Variants in LINGO2 observed in about 807,000 individuals in gnomAD.
LINGO2 encodes the protein leucine rich repeat and Ig domain containing 2, also known as leucine-rich repeat and immunoglobulin-like domain-containing nogo receptor-interacting protein 2.
Under a neutral mutation model 30.6 loss-of-function variants are expected in LINGO2, and 14 were observed. The ratio of observed to expected loss-of-function variants is 0.46; its 90% CI spans 0.30 to 0.72. The LOEUF (loss-of-function observed/expected upper bound fraction) is 0.72, where lower values mean the gene tolerates loss of function less well. LINGO2 is among the 30% of genes least tolerant of loss of function. The pLI is 0.07. For missense variants in LINGO2, 729 were observed against 751.7 expected (o/e 0.97, Z 0.35); for synonymous variants, 317 against 288.5 (o/e 1.10, Z -1.00).
intron 5 of LINGO2, among the ~76,000 whole-genome samples, chr9:27,982,743 A>T (rs967934149): frequency 1.3e-5 from 2 of 151,878 alleles, no homozygotes; most frequent in African/African-American, 4.8e-5. Context: ...GAACCTGGAT[A>T]TGAATCTTAG....
chr9:28,994,025 AG>A, the LINGO2 span, among the ~76,000 whole-genome samples: 3 of 151,536 alleles, frequency 2.0e-5, no homozygotes, highest in Non-Finnish European at 4.4e-5. Flanking sequence ...CAGGGCAATT[AG>A]GCAGGAGAAG....
At chr9:29,151,093 T>C in the LINGO2 span, among the ~76,000 whole-genome samples, 2 of 151,894 alleles carry the variant, frequency 1.3e-5, no homozygotes, top group African/African-American at 4.8e-5. Flanking sequence ...CCAGAGGAGA[T>C]TGGAGGCCTA....
At chr9:28,178,789 C>G (rs1828818298) in intron 4 of LINGO2, among the ~76,000 whole-genome samples, 1 of 152,240 alleles carries the variant, frequency 6.6e-6, no homozygotes, top group East Asian at 1.9e-4. Context: ...TTATTGGCAG[C>G]TGGAAGATTT....
In LINGO2 at chr9:28,506,479, C is replaced by CACAGACATAT. The variant is rs1260518228; in HGVS notation, c.-364-30455_-364-30454insATATGTCTGT. On this transcript the variant is annotated intron_variant, in intron 1 of 5. Transcript: ENST00000379992. The stretch of plus-strand genomic sequence containing the variant: ...ACATACACATACACACACACACACA[C>CACAGACATAT]ATACACATACACACACACACACAGA... 5.5e-3 allele frequency among the ~76,000 whole-genome samples: 62 copies of CACAGACATAT among 11,352 alleles called. 6 individuals carry two copies. The highest frequency in any genetic ancestry group is 0.011 in the Non-Finnish European group (26 of 2,336). The allele number at this position is 11,352 out of a possible 152,430, so 7.4% of individuals were successfully genotyped here.
At chr9:28,962,706 T>G in the LINGO2 span, among the ~76,000 whole-genome samples, 4 of 151,928 alleles carry the variant, frequency 2.6e-5, no homozygotes, top group East Asian at 7.7e-4. Flanking sequence ...ACATTTCATT[T>G]ATCATATATA....
At chr9:28,402,286 C>A (rs948361529) in intron 2 of LINGO2, among the ~76,000 whole-genome samples, 3 of 152,038 alleles carry the variant, frequency 2.0e-5, no homozygotes, top group African/African-American at 7.3e-5. Flanking sequence ...TTTCCTCTCT[C>A]TTTTCTTTCC....
At chr9:28,402,691 G>C (rs1238544178) in intron 2 of LINGO2, among the ~76,000 whole-genome samples, 5 of 151,698 alleles carry the variant, frequency 3.3e-5, no homozygotes, top group African/African-American at 1.2e-4. Flanking sequence ...ACTCTACAAA[G>C]GTCCTTTTCT....
intron 4 of LINGO2, among the ~76,000 whole-genome samples, chr9:28,252,568 C>T (rs1378434809): frequency 6.6e-6 from 1 of 151,920 alleles, no homozygotes; most frequent in Non-Finnish European, 1.5e-5. Flanking sequence ...TTTGTCTAAC[C>T]TTGAGTCATG....
intron 5 of LINGO2, among the ~76,000 whole-genome samples, chr9:27,961,788 G>C (rs1462443868): frequency 6.6e-6 from 1 of 152,182 alleles, no homozygotes; most frequent in Non-Finnish European, 1.5e-5. Flanking sequence ...CATGGGTGTA[G>C]GCTTGGGTAA....
the LINGO2 span, among the ~76,000 whole-genome samples, chr9:29,125,139 T>C: frequency 1.3e-5 from 2 of 152,040 alleles, no homozygotes; most frequent in African/African-American, 2.4e-5. Context: ...AAACCATCAT[T>C]CTCAGCAAAC....
chr9:28,838,944 G>T, the LINGO2 span, among the ~76,000 whole-genome samples: 47 of 152,336 alleles, frequency 3.1e-4, no homozygotes, highest in East Asian at 6.6e-3. Flanking sequence ...GCTGCTCCAG[G>T]CACCAGCATG....
At chr9:28,239,299 G>T (rs1821692582) in intron 4 of LINGO2, among the ~76,000 whole-genome samples, 1 of 151,940 alleles carries the variant, frequency 6.6e-6, no homozygotes, top group African/African-American at 2.4e-5. Flanking sequence ...GGTCATTATT[G>T]TCCTGATACC....
chr9:28,368,166 C>G (rs1820751048), intron 3 of LINGO2, among the ~76,000 whole-genome samples: 3 of 152,090 alleles, frequency 2.0e-5, no homozygotes, highest in Admixed American at 6.6e-5. Flanking sequence ...TTACACCCTG[C>G]ATTGTCTTAT....
intron 1 of LINGO2, among the ~76,000 whole-genome samples, chr9:28,627,745 G>T (rs62547109): frequency 0.08 from 12,080 of 151,714 alleles, 672 homozygotes; most frequent in Admixed American, 0.2. Context: ...TTTCAAAATT[G>T]TCTATAATGT....
chr9:29,016,792 C>A, the LINGO2 span, among the ~76,000 whole-genome samples: 1 of 152,102 alleles, frequency 6.6e-6, no homozygotes, highest in Non-Finnish European at 1.5e-5. Flanking sequence ...CAAAAGGAGA[C>A]AACTGACCAG....
chr9:28,257,732 GA>G (rs1023307373), intron 4 of LINGO2, among the ~76,000 whole-genome samples: 1 of 151,802 alleles, frequency 6.6e-6, no homozygotes, highest in Non-Finnish European at 1.5e-5. Context: ...CTGCCCAGTA[GA>G]AGAACAACAT....
chr9:28,233,546 A>G (rs921750019), intron 4 of LINGO2, among the ~76,000 whole-genome samples: 12 of 152,122 alleles, frequency 7.9e-5, no homozygotes, highest in Non-Finnish European at 1.3e-4. Context: ...ATCGTTATAG[A>G]ATAGTGTTAT....
chr9:28,530,117 C>G (rs929659005), intron 1 of LINGO2, among the ~76,000 whole-genome samples: 1 of 151,772 alleles, frequency 6.6e-6, no homozygotes, highest in Admixed American at 6.6e-5. Context: ...GAAAGATGAG[C>G]TGAATTCAGT....
intron 5 of LINGO2, among the ~76,000 whole-genome samples, chr9:28,003,576 C>T (rs1822095673): frequency 6.6e-6 from 1 of 152,152 alleles, no homozygotes; most frequent in East Asian, 1.9e-4. Flanking sequence ...CTTCTCCTGC[C>T]TCAGCCTCCT....
Sources: allele counts gnomAD v4.1 joint callset (sites outside exome capture counted in the v4.1 genomes callset), GRCh38; gene constraint gnomAD v4.1.1; transcripts MANE v1.5; gene names NCBI Gene and HGNC (gene_info 2026-07-23, HGNC 2026-07-21).